SPOCK1: variants seen among roughly 807,000 people sequenced by gnomAD.
The protein encoded by SPOCK1 is testican-1.
SPOCK1 carries 23 observed loss-of-function variants against 55.3 expected under a neutral mutation model. That is an observed-to-expected ratio of 0.42 (90% CI 0.30 to 0.59). SPOCK1 has a LOEUF of 0.59. Among genes scored for constraint, SPOCK1 ranks in the 20% least tolerant of loss-of-function variants. SPOCK1 has a pLI of 0.22. For missense variants in SPOCK1, 499 were observed against 552.5 expected (o/e 0.90, Z 0.97); for synonymous variants, 226 against 221.0 (o/e 1.02, Z -0.20).
intron 6 of SPOCK1, among the ~76,000 whole-genome samples, chr5:137,060,712 C>A (rs1752380613): frequency 6.6e-6 from 1 of 152,168 alleles, no homozygotes; most frequent in Non-Finnish European, 1.5e-5. Flanking sequence ...GCACAAACCT[C>A]TATCCCGTTC....
chr5:137,241,075 T>C (rs1464259671), intron 3 of SPOCK1, among the ~76,000 whole-genome samples: 3 of 152,120 alleles, frequency 2.0e-5, no homozygotes, highest in Admixed American at 1.3e-4. Context: ...AAATGGATAA[T>C]GAGATTGATA....
intron 2 of SPOCK1, among the ~76,000 whole-genome samples, chr5:137,388,714 C>T (rs563513423): frequency 6.0e-4 from 91 of 152,294 alleles, no homozygotes; most frequent in African/African-American, 2.1e-3. Context: ...CACATCACAC[C>T]GAACTAGAAG....
Position 137,063,208 on chromosome 5 carries a change from C to A in SPOCK1, c.589+4507G>T, listed in dbSNP as rs1475165678. ...AGATTGCGCCACTGCAGTCCGCAGT[C>A]CGGCCTGGGCGACAGAGCGAGACTC... On this transcript the variant is annotated intron_variant, in intron 6 of 10. Coordinates refer to ENST00000394945, the MANE Select transcript of SPOCK1 (RefSeq NM_004598.4). 4.1e-5 allele frequency among the ~76,000 whole-genome samples: 6 copies of A among 146,376 alleles called. No individual in the cohort carries two copies. The East Asian group carries it at 1.2e-3, about 30-fold the overall frequency.
chr5:137,212,255 T>C (rs900593567), intron 3 of SPOCK1, among the ~76,000 whole-genome samples: 1 of 152,146 alleles, frequency 6.6e-6, no homozygotes, highest in Non-Finnish European at 1.5e-5. Flanking sequence ...CATATTGTGG[T>C]GACTAAAGGT....
intron 2 of SPOCK1, among the ~76,000 whole-genome samples, chr5:137,276,554 G>T (rs1380180094): frequency 6.6e-6 from 1 of 152,184 alleles, no homozygotes; most frequent in Non-Finnish European, 1.5e-5. Context: ...TTTGGCACCA[G>T]GTACTCTAAC....
chr5:137,429,157 A>G (rs771188692), intron 2 of SPOCK1, among the ~76,000 whole-genome samples: 3 of 151,978 alleles, frequency 2.0e-5, no homozygotes, highest in Non-Finnish European at 4.4e-5. Context: ...TTGTTTTCCC[A>G]CAGATTGGTC....
intron 6 of SPOCK1, among the ~76,000 whole-genome samples, chr5:137,017,831 AT>A (rs1422714503): frequency 6.6e-6 from 1 of 152,236 alleles, no homozygotes; most frequent in Admixed American, 6.5e-5. Context: ...AAAATCGAGT[AT>A]AAAAATGAAA....
At chr5:137,356,980 A>G (rs1415471994) in intron 2 of SPOCK1, among the ~76,000 whole-genome samples, 1 of 149,906 alleles carries the variant, frequency 6.7e-6, no homozygotes, top group Admixed American at 6.6e-5. Context: ...CACCTTCTTT[A>G]CAGGAGCTTC....
At chr5:137,055,341 C>T (rs1363422144) in intron 6 of SPOCK1, among the ~76,000 whole-genome samples, 1 of 152,118 alleles carries the variant, frequency 6.6e-6, no homozygotes, top group Non-Finnish European at 1.5e-5. Context: ...ACCAACAGAC[C>T]CAGTCACTGT....
At chr5:137,224,519 A>G (rs537115250) in intron 3 of SPOCK1, among the ~76,000 whole-genome samples, 1 of 152,292 alleles carries the variant, frequency 6.6e-6, no homozygotes, top group African/African-American at 2.4e-5. Flanking sequence ...GGCAGTTCAT[A>G]CCTAATTCCC....
Position 137,026,795 on chromosome 5 carries a change from T to C in SPOCK1, c.590-34195A>G, listed in dbSNP as rs190025667. ...TGCTGGGCCAAGGACCTCCACAACA[T>C]TCACAGGAAACAAAAAGGAACAGCA... is the stretch of plus-strand genomic sequence containing the variant. On this transcript the variant is annotated intron_variant, in intron 6 of 10. Coordinates refer to ENST00000394945, the MANE Select transcript of SPOCK1 (RefSeq NM_004598.4). 3.3e-5 allele frequency among the ~76,000 whole-genome samples: 5 copies of C among 152,310 alleles called. No homozygotes were observed. The East Asian group carries it at 9.6e-4, about 29-fold the overall frequency.
At chr5:137,491,189 G>T (rs1478676319) in intron 2 of SPOCK1, among the ~76,000 whole-genome samples, 2 of 152,104 alleles carry the variant, frequency 1.3e-5, no homozygotes, top group African/African-American at 4.8e-5. Context: ...CTTAGCTTTG[G>T]CAAGACTGGA....
At chr5:137,454,890 G>A (rs1474226204) in intron 2 of SPOCK1, among the ~76,000 whole-genome samples, 2 of 152,152 alleles carry the variant, frequency 1.3e-5, no homozygotes, top group Non-Finnish European at 2.9e-5. Flanking sequence ...AAGCTGTCAT[G>A]CATAATTTGG....
At chr5:137,090,688 A>C (rs776094504) in intron 5 of SPOCK1, among the ~76,000 whole-genome samples, 2 of 152,176 alleles carry the variant, frequency 1.3e-5, no homozygotes, top group African/African-American at 2.4e-5. Context: ...GAAGTATGAA[A>C]TACCTCTCAA....
chr5:137,355,285 T>C (rs1361921764), intron 2 of SPOCK1, among the ~76,000 whole-genome samples: 1 of 152,156 alleles, frequency 6.6e-6, no homozygotes, highest in East Asian at 1.9e-4. Context: ...CTCAAACTCT[T>C]GGGCTCAAGT....
intron 6 of SPOCK1, among the ~76,000 whole-genome samples, chr5:137,005,749 T>C (rs1351939583): frequency 3.9e-5 from 6 of 152,110 alleles, no homozygotes; most frequent in East Asian, 1.9e-4. Context: ...GAGTAACATA[T>C]AGCTATAGAG....
chr5:136,994,129 C>T (rs1342390005), intron 6 of SPOCK1, among the ~76,000 whole-genome samples: 5 of 152,284 alleles, frequency 3.3e-5, no homozygotes, highest in East Asian at 1.9e-4. Flanking sequence ...CTCTCATTTA[C>T]GACGCTGCCT....
At chr5:137,211,054 AC>A (rs1755604864) in intron 3 of SPOCK1, among the ~76,000 whole-genome samples, 1 of 152,216 alleles carries the variant, frequency 6.6e-6, no homozygotes, top group African/African-American at 2.4e-5. Flanking sequence ...CCCTTCGTAT[AC>A]CTGATGCCCA....
At position 137,016,899 on chromosome 5, in the gene SPOCK1, A is replaced by T. The variant is rs193129369; in HGVS notation, c.590-24299T>A. ...AGTGGAACCTAGTGGGGAGTAAAGG[A>T]GAAACCAGGAACAATGGGGCTTTGT... On this transcript the variant is annotated intron_variant, in intron 6 of 10. Coordinates refer to ENST00000394945, the MANE Select transcript of SPOCK1 (RefSeq NM_004598.4). Among the ~76,000 whole-genome samples the T allele has an allele frequency of 4.2e-3, 645 of 152,352 alleles. 7 individuals carry two copies. Among genetic ancestry groups the T allele is most frequent in the African/African-American group, 0.015 (623 of 41,574 alleles).
Sources: allele counts gnomAD v4.1 joint callset (sites outside exome capture counted in the v4.1 genomes callset), GRCh38; gene constraint gnomAD v4.1.1; transcripts MANE v1.5; gene names NCBI Gene and HGNC (gene_info 2026-07-23, HGNC 2026-07-21).